SEPTIN9: variants seen among roughly 807,000 people sequenced by gnomAD.
SEPTIN9 encodes septin 9, also known as septin-9.
SEPTIN9 carries 13 observed loss-of-function variants against 56.6 expected under a neutral mutation model. The observed-to-expected ratio is 0.23, with a 90% CI of 0.15 to 0.37. The LOEUF is 0.37. Among genes scored for constraint, SEPTIN9 ranks in the 10% least tolerant of loss-of-function variants. The pLI, the probability that SEPTIN9 is intolerant of heterozygous loss-of-function variation, is 1.00. For synonymous variants in SEPTIN9, 332 were observed against 334.1 expected (o/e 0.99, Z 0.07); for missense variants, 650 against 823.1 (o/e 0.79, Z 2.57).
intron 3 of SEPTIN9, among the ~76,000 whole-genome samples, chr17:77,471,933 A>G (rs573627780): frequency 8.5e-4 from 129 of 152,084 alleles, no homozygotes; most frequent in African/African-American, 3.0e-3. Flanking sequence ...AGACAAGGCA[A>G]GGGGGCAGCA....
chr17:77,387,442 C>T (rs2035376099), intron 2 of SEPTIN9, among the ~76,000 whole-genome samples: 1 of 152,226 alleles, frequency 6.6e-6, no homozygotes, highest in South Asian at 2.1e-4. Context: ...CTGTCACATT[C>T]ACAGGTCCGA....
Position 77,493,205 on chromosome 17 carries a change from G to A in SEPTIN9, c.1573+129G>A, listed in dbSNP as rs1161884126. ...ATCCACTGCCTTGCCCCACCCAGAG[G>A]GAGGGGTCTCCTTGTCCCCATTCAA... On this transcript the variant is annotated intron_variant, in intron 10 of 11. Transcript: ENST00000427177. The A allele has an allele frequency of 9.7e-6, 7 of 724,032 alleles. No homozygotes were observed. The East Asian group carries it at 1.3e-4, about 14-fold the overall frequency. 44.9% of individuals were successfully genotyped at this position (724,032 alleles called of 1,614,324 possible).
intron 1 of SEPTIN9, 132 bp downstream of exon 1, chr17:77,281,686 C>A: frequency 4.7e-6 from 4 of 858,318 alleles, no homozygotes; most frequent in South Asian, 3.5e-5. Context: ...CACTGCAGGT[C>A]GAGTTCCTCC....
rs574823362 is a variant in SEPTIN9 at position 77,373,585 on chromosome 17, C to T, written c.77-28474C>T. ...CTGGGCTGGCTGCTGCGGCCGCGGA[C>T]GTGCTGGAGAGGACCCTGCGGGTGG... On this transcript the variant is annotated intron_variant, in intron 2 of 11. Transcript: ENST00000427177. The T allele has an allele frequency of 3.9e-6, 6 of 1,539,186 alleles. No individual in the cohort carries two copies. In the East Asian group the frequency reaches 1.3e-4, roughly 32 times the overall value.
rs2034780404 is a variant in SEPTIN9, at chr17:77,373,213, G to A, written c.77-28846G>A. ...CCCCCCAGGCCTGGCCTTGACAGGC[G>A]GGCGGAGCAGCCAGTGCGAGACAGG... is the stretch of plus-strand genomic sequence containing the variant. On this transcript the variant is annotated intron_variant, in intron 2 of 11. Transcript: ENST00000427177. The A allele has an allele frequency of 1.5e-5, 16 of 1,103,132 alleles. No individual in the cohort carries two copies. In the South Asian group the frequency reaches 1.8e-4, roughly 12 times the overall value. 68.3% of individuals were successfully genotyped at this position (1,103,132 alleles called of 1,614,324 possible).
rs186378564 is a variant in SEPTIN9 at position 77,340,975 on chromosome 17, A to G, written c.76+33778A>G. Reference sequence around the variant, plus strand: ...GAAGAGAGTTAGGGCTTTGCCCTGGATTAGGCTTTTGTTTAAGGGAATGTT... The same window carrying G: ...GAAGAGAGTTAGGGCTTTGCCCTGGGTTAGGCTTTTGTTTAAGGGAATGTT... On this transcript the variant is annotated intron_variant, in intron 2 of 11. Transcript: ENST00000427177. 2.8e-3 allele frequency among the ~76,000 whole-genome samples: 426 copies of G among 152,216 alleles called. 5 individuals are homozygous for G. The highest frequency in any genetic ancestry group is 6.3e-4 in the Non-Finnish European group (43 of 68,002).
chr17:77,356,201 T>C (rs150408686), intron 2 of SEPTIN9, among the ~76,000 whole-genome samples: 2 of 152,092 alleles, frequency 1.3e-5, no homozygotes, highest in African/African-American at 4.8e-5. Context: ...CATTTCTCCA[T>C]CCTACAGACA....
chr17:77,300,687 C>G (rs894853351), intron 1 of SEPTIN9, among the ~76,000 whole-genome samples: 1 of 143,334 alleles, frequency 7.0e-6, no homozygotes, highest in Non-Finnish European at 1.5e-5. Flanking sequence ...ATCCTGGACG[C>G]CCCCACCCCA....
Position 77,417,685 on chromosome 17 carries a change from G to A in SEPTIN9, c.721+14982G>A, listed in dbSNP as rs542297393. 7.9e-5 allele frequency among the ~76,000 whole-genome samples: 12 copies of A among 152,302 alleles called. 1 individual carries two copies. In the East Asian group the frequency reaches 2.1e-3, roughly 27 times the overall value. On this transcript the variant is annotated intron_variant, in intron 3 of 11. Transcript: ENST00000427177. ...CCGGTAAGTGGAAGTTCAATACGCA[G>A]GAGCCATTCCTTTTGTTCACAAATG...
chr17:77,341,927 G>A (rs1272152333), intron 2 of SEPTIN9, among the ~76,000 whole-genome samples: 2 of 144,838 alleles, frequency 1.4e-5, no homozygotes, highest in East Asian at 2.1e-4. Flanking sequence ...CTAAAGATAC[G>A]AAAAAAATAG....
chr17:77,298,102 C>T (rs970814860), intron 1 of SEPTIN9, among the ~76,000 whole-genome samples: 13 of 152,242 alleles, frequency 8.5e-5, no homozygotes, highest in Admixed American at 6.5e-5. Context: ...CAGTCATTTC[C>T]TCCTTAAAGG....
At chr17:77,439,906 C>T (rs536136436) in intron 3 of SEPTIN9, among the ~76,000 whole-genome samples, 1 of 152,310 alleles carries the variant, frequency 6.6e-6, no homozygotes, top group Admixed American at 6.5e-5. Context: ...ATCTGGTCCC[C>T]ATTTGTTCCA....
intron 2 of SEPTIN9, among the ~76,000 whole-genome samples, chr17:77,338,694 C>T (rs968511168): frequency 2.0e-5 from 3 of 152,224 alleles, no homozygotes; most frequent in African/African-American, 7.2e-5. Context: ...GCTGGGATTA[C>T]AGGCGTGAGC....
At chr17:77,477,605 G>T (rs1437185260) in intron 3 of SEPTIN9, among the ~76,000 whole-genome samples, 1 of 152,182 alleles carries the variant, frequency 6.6e-6, no homozygotes, top group Admixed American at 6.5e-5. Context: ...TAGGAGCTGG[G>T]GATATCACTG....
chr17:77,361,148 T>A (rs2034404965), intron 2 of SEPTIN9, among the ~76,000 whole-genome samples: 1 of 152,180 alleles, frequency 6.6e-6, no homozygotes, highest in Non-Finnish European at 1.5e-5. Context: ...GGTATCGAAC[T>A]CCTTACCTAA....
intron 2 of SEPTIN9, among the ~76,000 whole-genome samples, chr17:77,340,068 A>T (rs966151158): frequency 6.6e-6 from 1 of 151,742 alleles, no homozygotes; most frequent in Non-Finnish European, 1.5e-5. Context: ...AACTCAGGTG[A>T]TTTGCCTGCC....
intron 2 of SEPTIN9, among the ~76,000 whole-genome samples, chr17:77,393,188 G>A (rs2035600457): frequency 6.6e-6 from 1 of 152,206 alleles, no homozygotes; most frequent in South Asian, 2.1e-4. Context: ...TGCCTCACCA[G>A]CTCATTGTGA....
At chr17:77,440,747 T>A (rs534427143) in intron 3 of SEPTIN9, among the ~76,000 whole-genome samples, 1 of 152,356 alleles carries the variant, frequency 6.6e-6, no homozygotes, top group Non-Finnish European at 1.5e-5. Flanking sequence ...CTTGTCACTC[T>A]CCTCGCTGAG....
intron 1 of SEPTIN9, among the ~76,000 whole-genome samples, chr17:77,285,619 G>A (rs1357492561): frequency 2.6e-5 from 4 of 151,204 alleles, no homozygotes; most frequent in Admixed American, 1.3e-4. Flanking sequence ...GGCTGGTCTC[G>A]AACTCCGGAC....
Sources: allele counts gnomAD v4.1 joint callset (sites outside exome capture counted in the v4.1 genomes callset), GRCh38; gene constraint gnomAD v4.1.1; transcripts MANE v1.5; gene names NCBI Gene and HGNC (gene_info 2026-07-23, HGNC 2026-07-21).